The following TSPAN16 variants were observed in gnomAD, a reference collection of about 807,000 sequenced individuals.
TSPAN16 encodes the protein tetraspanin 16.
TSPAN16 carries 23 observed loss-of-function variants against 25.2 expected under a neutral mutation model. That is an observed-to-expected ratio of 0.91 (90% CI 0.66 to 1.29). The LOEUF (loss-of-function observed/expected upper bound fraction) is 1.29. TSPAN16 is among the 50% of genes most tolerant of loss of function. The probability of loss-of-function intolerance (pLI) is 0.00; values close to 1 mark genes in which losing one functional copy is unlikely to be tolerated. For missense variants in TSPAN16, 272 were observed against 299.9 expected, an observed-to-expected ratio of 0.91 and a Z score of 0.69; for synonymous variants, 123 against 124.4, an observed-to-expected ratio of 0.99 and a Z score of 0.08.
intron 6 of TSPAN16, among the ~76,000 whole-genome samples, chr19:11,313,123 T>C (rs2080710870): frequency 6.6e-6 from 1 of 152,166 alleles, no homozygotes; most frequent in East Asian, 1.9e-4. Context: ...ATTAACACCA[T>C]TGTTTCACCT....
intron 1 of TSPAN16, among the ~76,000 whole-genome samples, chr19:11,296,659 G>A (rs1232106000): frequency 6.6e-6 from 1 of 152,234 alleles, no homozygotes; most frequent in Non-Finnish European, 1.5e-5. Flanking sequence ...GTTTGGGAAG[G>A]CCAGGAGAAA....
intron 5 of TSPAN16, among the ~76,000 whole-genome samples, chr19:11,311,386 C>A (rs753186585): frequency 1.4e-5 from 2 of 143,412 alleles, no homozygotes; most frequent in Non-Finnish European, 3.0e-5. Flanking sequence ...CACCTGCCTC[C>A]GCCTCCCAAA....
At chr19:11,321,147 G>A (rs2080777137) in intron 6 of TSPAN16, 1 of 151,682 alleles carries the variant, frequency 6.6e-6, no homozygotes, top group Non-Finnish European at 1.5e-5. Context: ...CCAGCTGGGT[G>A]GCAGAGTAGG....
chr19:11,320,970 A>G (rs1318363534), intron 6 of TSPAN16, among the ~76,000 whole-genome samples: 1 of 152,064 alleles, frequency 6.6e-6, no homozygotes, highest in Non-Finnish European at 1.5e-5. Flanking sequence ...GGCGTTCGAG[A>G]CCAGCCTGGC....
Position 11,302,764 on chromosome 19 carries a change from G to T in TSPAN16, c.450+1456G>T, listed in dbSNP as rs555042738. Among the ~76,000 whole-genome samples, 9 of 150,132 alleles carry T rather than the reference G, an allele frequency of 6.0e-5. No individual in the cohort carries two copies. The South Asian group carries it at 1.7e-3, about 28-fold the overall frequency. ...GACAGGATCTCACTCTGTTGCCCAG[G>T]CTGGAGTGCGGTAAGGGGATCATGG... On this transcript the variant is annotated intron_variant, in intron 4 of 6. Transcript: ENST00000590327.
intron 6 of TSPAN16, chr19:11,325,342 C>G (rs1021976766): frequency 5.7e-6 from 7 of 1,226,192 alleles, no homozygotes; most frequent in Non-Finnish European, 7.9e-6. Context: ...GCTCACGCCT[C>G]GATCACAGTC....
At chr19:11,317,683 C>T (rs138518111), downstream of TSPAN16, among the ~76,000 whole-genome samples, 662 of 151,342 alleles carry the variant, frequency 4.4e-3, 5 homozygotes, top group African/African-American at 0.016. Flanking sequence ...TTAGTAGAGA[C>T]GGGGTTTCAT....
chr19:11,296,517 G>A (rs2080479774), intron 1 of TSPAN16, 151 bp downstream of exon 1: 2 of 758,496 alleles, frequency 2.6e-6, no homozygotes, highest in Non-Finnish European at 4.3e-6. Flanking sequence ...CGGAGGAGGA[G>A]GAGCAGGGAG....
chr19:11,325,621 C>T (rs756624886), intron 6 of TSPAN16: 1 of 1,425,260 alleles, frequency 7.0e-7, no homozygotes, highest in South Asian at 1.2e-5. Flanking sequence ...CTCGTAAGAC[C>T]CCTGAGGGCA....
At position 11,301,225 on chromosome 19, in the gene TSPAN16, A is replaced by G; in HGVS notation, c.367A>G (p.Thr123Ala). ...PIVGDVALEH[T>A]FVTLRKNYRG... ...GGTTGGAGATGTGGCCTTGGAACACACCTTCGTGACCCTGAGGAAGAATTA... is the reference window on the plus strand; with the variant it reads ...GGTTGGAGATGTGGCCTTGGAACACGCCTTCGTGACCCTGAGGAAGAATTA... Residue 123 changes from threonine to alanine, a missense_variant, in exon 4 of 7, where the codon ACC becomes GCC. Physicochemically the swap from Thr to Ala is moderately conservative, Grantham distance 58. Coordinates refer to ENST00000590327, the MANE Select transcript of TSPAN16 (RefSeq NM_001282509.2). 6.2e-7 allele frequency: 1 copy of G among 1,613,956 alleles called. No individual in the cohort carries two copies. The highest frequency in any genetic ancestry group is 8.5e-7 in the Non-Finnish European group (1 of 1,179,974).
chr19:11,304,403 C>T (rs968221996), intron 4 of TSPAN16, among the ~76,000 whole-genome samples: 8 of 151,586 alleles, frequency 5.3e-5, no homozygotes, highest in Non-Finnish European at 8.8e-5. Context: ...AGTTCAGTGG[C>T]GCAATCTCGG....
rs2080630109 is a variant in TSPAN16, at chr19:11,306,661, A to G, written c.508A>G (p.Thr170Ala). Residue 170 changes from threonine (T) to alanine (A), a missense_variant, in exon 5 of 7, where the codon ACA (threonine) becomes GCA (alanine). Transcript: ENST00000590327. ...TTTTTCTGGCTCTTCCTTCGAAATG[A>G]CAACGGGCCACACCTACCCCAGGAG... ...TDFSGSSFEMTTGHTYPRSCC... is the reference protein window; with the variant it reads ...TDFSGSSFEMATGHTYPRSCC... 6.2e-7 allele frequency: 1 copy of G among 1,613,884 alleles called. No individual in the cohort carries two copies. Among genetic ancestry groups the G allele is most frequent in the African/African-American group, 1.3e-5 (1 of 74,896 alleles).
At chr19:11,311,825 A>G (rs1003241440) in intron 5 of TSPAN16, among the ~76,000 whole-genome samples, 1 of 152,186 alleles carries the variant, frequency 6.6e-6, no homozygotes, top group African/African-American at 2.4e-5. Flanking sequence ...GACTTCTCCA[A>G]GGTCACACAG....
chr19:11,310,825 A>G (rs1302956175), intron 5 of TSPAN16, among the ~76,000 whole-genome samples: 1 of 151,550 alleles, frequency 6.6e-6, no homozygotes, highest in East Asian at 1.9e-4. Context: ...ATGTAGATTC[A>G]TTCTTTTATA....
intron 1 of TSPAN16, 117 bp from the exon 2 acceptor site, chr19:11,298,025 C>G: frequency 9.7e-7 from 1 of 1,034,592 alleles, no homozygotes; most frequent in South Asian, 1.5e-5. Flanking sequence ...GGGCTCAAGT[C>G]TTGGCCTTGG....
At chr19:11,324,091 T>C (rs967629133) in intron 6 of TSPAN16, 1 of 152,066 alleles carries the variant, frequency 6.6e-6, no homozygotes, top group Non-Finnish European at 1.5e-5. Context: ...ACTCTCAGGC[T>C]GTCTACAAAG....
rs1334425081 is a variant in TSPAN16 at position 11,315,488 on chromosome 19, C to T, written c.688-303C>T. Among the ~76,000 whole-genome samples the T allele has an allele frequency of 4.6e-5, 7 of 150,620 alleles. No individual in the cohort carries two copies. In the South Asian group the frequency reaches 1.5e-3, roughly 31 times the overall value. ...AGGAGAATGGCGTGAACCTGGGAGG[C>T]GGAGCTTGTAGTGAGCCAAGATCCG... On this transcript the variant is annotated intron_variant, in intron 6 of 6. Coordinates refer to ENST00000590327, the MANE Select transcript of TSPAN16 (RefSeq NM_001282509.2).
At chr19:11,325,163 C>T (rs2080804131) in intron 6 of TSPAN16, 3 of 478,842 alleles carry the variant, frequency 6.3e-6, no homozygotes, top group Non-Finnish European at 1.1e-5. Flanking sequence ...TGTCCCTGGG[C>T]CTCTGCCTGC....
At chr19:11,321,113 G>A (rs2080776824) in intron 6 of TSPAN16, among the ~76,000 whole-genome samples, 1 of 151,094 alleles carries the variant, frequency 6.6e-6, no homozygotes, top group Admixed American at 6.6e-5. Context: ...AGGTTGCAGT[G>A]AGCCAAGATG....
Sources: gnomAD v4.1 joint callset for allele counts (sites outside exome capture counted in the v4.1 genomes callset) on GRCh38, gnomAD v4.1.1 for gene constraint, MANE v1.5 for transcripts, NCBI Gene and HGNC (gene_info 2026-07-23, HGNC 2026-07-21) for gene names.